Variants in RANBP2 observed in about 807,000 individuals in gnomAD.
RANBP2 encodes the protein E3 SUMO-protein ligase RanBP2.
In RANBP2, 57 loss-of-function variants were observed where a neutral mutation model predicts 303.6. The observed-to-expected ratio is 0.19, with a 90% CI of 0.15 to 0.23. RANBP2 has a LOEUF of 0.23. Ranked by LOEUF, RANBP2 falls within the 10% of genes least tolerant of loss-of-function variation. The pLI, the probability that RANBP2 is intolerant of heterozygous loss-of-function variation, is 1.00. For synonymous variants in RANBP2, 1,167 were observed against 1,301.5 expected (o/e 0.90, Z 2.23); for missense variants, 3,138 against 3,780.8 (o/e 0.83, Z 4.46).
chr2:109,350,290 C>T, the RANBP2 span, among the ~76,000 whole-genome samples: 2 of 152,316 alleles, frequency 1.3e-5, no homozygotes, highest in East Asian at 1.9e-4. Context: ...AGGTCAGAGG[C>T]GCCAGCCACG....
chr2:109,041,378 C>T, the RANBP2 span, among the ~76,000 whole-genome samples: 1 of 152,170 alleles, frequency 6.6e-6, no homozygotes, highest in Non-Finnish European at 1.5e-5. Flanking sequence ...GTCATGATCC[C>T]TATTTCAAAA....
the RANBP2 span, among the ~76,000 whole-genome samples, chr2:109,137,886 G>A: frequency 6.6e-6 from 1 of 152,240 alleles, no homozygotes; most frequent in Non-Finnish European, 1.5e-5. Context: ...GCTCACCCAT[G>A]TGGGTTGAGG....
At chr2:109,042,929 C>G in the RANBP2 span, among the ~76,000 whole-genome samples, 1 of 152,102 alleles carries the variant, frequency 6.6e-6, no homozygotes, top group African/African-American at 2.4e-5. Context: ...ATAGTAGTTT[C>G]TATGCAAGTG....
the RANBP2 span, among the ~76,000 whole-genome samples, chr2:109,241,419 G>T: frequency 6.6e-6 from 1 of 152,096 alleles, no homozygotes; most frequent in Non-Finnish European, 1.5e-5. Context: ...TGCATTGGGG[G>T]AAAAAATGGC....
At chr2:109,244,780 C>T in the RANBP2 span, among the ~76,000 whole-genome samples, 2 of 152,202 alleles carry the variant, frequency 1.3e-5, no homozygotes, top group Non-Finnish European at 2.9e-5. Flanking sequence ...GCCTGTGGCC[C>T]AGGGCAGGTG....
At chr2:109,016,038 T>G in the RANBP2 span, among the ~76,000 whole-genome samples, 12 of 152,194 alleles carry the variant, frequency 7.9e-5, no homozygotes, top group African/African-American at 2.4e-4. Flanking sequence ...GTATGCCTGT[T>G]ATTTTCTTCA....
rs747819007 is a variant in RANBP2, at chr2:108,763,801, C to A, written c.3262C>A (p.Pro1088Thr). The change falls in exon 20 of 29, where the codon CCT becomes ACT. Residue 1088 changes from proline to threonine, a missense_variant. Around this residue, in one of 20 missense-constraint regions of RANBP2, gnomAD observed 403 missense variants for 376.7 expected, o/e 1.07. Transcript: ENST00000283195. ...GDGYSGAKPIPGGQTIGPRNT... is the reference protein window; with the variant it reads ...GDGYSGAKPITGGQTIGPRNT... ...TGGCTATAGTGGAGCCAAACCAATT[C>A]CTGGTGGTCAAACCATTGGGCCTCG... 3.1e-6 allele frequency: 5 copies of A among 1,613,956 alleles called. No homozygotes were observed. Among genetic ancestry groups the A allele is most frequent in the African/African-American group, 2.7e-5 (2 of 74,918 alleles).
chr2:109,036,602 A>G, the RANBP2 span, among the ~76,000 whole-genome samples: 1 of 152,236 alleles, frequency 6.6e-6, no homozygotes, highest in Non-Finnish European at 1.5e-5. Context: ...ATATCATTTG[A>G]TGCAGAAAAA....
the RANBP2 span, among the ~76,000 whole-genome samples, chr2:109,500,627 A>C: frequency 6.6e-6 from 1 of 152,282 alleles, no homozygotes; most frequent in South Asian, 2.1e-4. Flanking sequence ...ACTGGGAAAA[A>C]AATCTTATGA....
the RANBP2 span, among the ~76,000 whole-genome samples, chr2:109,278,996 A>G: frequency 2.6e-5 from 4 of 152,126 alleles, no homozygotes; most frequent in Admixed American, 6.5e-5. Flanking sequence ...CCTCATTCCA[A>G]AGTTGGTGTG....
chr2:109,683,187 G>A, the RANBP2 span, among the ~76,000 whole-genome samples: 1 of 152,094 alleles, frequency 6.6e-6, no homozygotes, highest in African/African-American at 2.4e-5. Flanking sequence ...TGTATTTTTA[G>A]TGGAGACAGG....
the RANBP2 span, among the ~76,000 whole-genome samples, chr2:109,539,242 G>A: frequency 6.6e-6 from 1 of 151,940 alleles, no homozygotes; most frequent in Non-Finnish European, 1.5e-5. Context: ...AGGTTGCAGT[G>A]AGCCGATATT....
chr2:109,161,992 G>T, the RANBP2 span, among the ~76,000 whole-genome samples: 1 of 152,106 alleles, frequency 6.6e-6, no homozygotes, highest in African/African-American at 2.4e-5. Flanking sequence ...AAGCGTAGAT[G>T]GTGTCAGAAA....
the RANBP2 span, among the ~76,000 whole-genome samples, chr2:109,180,967 T>G: frequency 6.6e-6 from 1 of 152,350 alleles, no homozygotes; most frequent in African/African-American, 2.4e-5. Context: ...TTTACCCTGA[T>G]GCAAGCTTCC....
At chr2:108,803,889 T>C in the RANBP2 span, among the ~76,000 whole-genome samples, 1 of 152,202 alleles carries the variant, frequency 6.6e-6, no homozygotes, top group Admixed American at 6.5e-5. Context: ...CTTTTAGATA[T>C]GGAAAAAGTT....
chr2:109,566,994 A>G, the RANBP2 span, among the ~76,000 whole-genome samples: 1 of 152,334 alleles, frequency 6.6e-6, no homozygotes, highest in Admixed American at 6.5e-5. Flanking sequence ...AGGAATTAAG[A>G]TCACCTCATT....
At chr2:109,082,086 C>T in the RANBP2 span, among the ~76,000 whole-genome samples, 1 of 152,216 alleles carries the variant, frequency 6.6e-6, no homozygotes, top group African/African-American at 2.4e-5. Context: ...AAGTGCTCTA[C>T]CCATGCTTCA....
chr2:109,377,595 C>A, the RANBP2 span, among the ~76,000 whole-genome samples: 2 of 152,024 alleles, frequency 1.3e-5, no homozygotes, highest in East Asian at 3.9e-4. Flanking sequence ...GTTTATAGAT[C>A]CTGGAAAAAA....
chr2:109,086,197 T>C, the RANBP2 span, among the ~76,000 whole-genome samples: 8 of 152,170 alleles, frequency 5.3e-5, no homozygotes, highest in Admixed American at 3.9e-4. Context: ...CTTGGGCTGC[T>C]TCCACCTCTG....
Sources: gnomAD v4.1 joint callset for allele counts (sites outside exome capture counted in the v4.1 genomes callset) on GRCh38, gnomAD v4.1.1 for gene constraint, gnomAD v4.1.1 regional missense constraint, MANE v1.5 for transcripts, NCBI Gene and HGNC (gene_info 2026-07-23, HGNC 2026-07-21) for gene names.